Variants in PARL observed in about 807,000 individuals in gnomAD.
PARL encodes the protein presenilin associated rhomboid like.
Under a neutral mutation model 51.6 loss-of-function variants are expected in PARL, and 44 were observed. The ratio of observed to expected loss-of-function variants is 0.85; its 90% CI spans 0.67 to 1.10. The LOEUF (loss-of-function observed/expected upper bound fraction) is 1.10, where lower values mean the gene tolerates loss of function less well. Ranked by LOEUF, PARL falls within the 50% of genes least tolerant of loss-of-function variation. The pLI is 0.00. For missense variants in PARL, 441 were observed against 469.5 expected (o/e 0.94, Z 0.56); for synonymous variants, 172 against 164.0 (o/e 1.05, Z -0.37).
chr3:183,868,710 G>A (rs1488807781), intron 1 of PARL, among the ~76,000 whole-genome samples: 5 of 152,172 alleles, frequency 3.3e-5, no homozygotes, highest in Admixed American at 3.3e-4. Flanking sequence ...TGCCCCACCA[G>A]TTGTCAGTTT....
intron 2 of PARL, 141 bp from the exon 3 acceptor site, chr3:183,866,906 G>A: frequency 1.5e-6 from 1 of 657,358 alleles, no homozygotes; most frequent in Non-Finnish European, 2.6e-6. Context: ...CCTAATAAGT[G>A]AAAAGGGCTT....
At chr3:183,844,874 A>G (rs12634358) in intron 4 of PARL, 7,619 of 153,330 alleles carry the variant, frequency 0.05, 220 homozygotes, top group East Asian at 0.085. Flanking sequence ...AACTGCTTCT[A>G]AAGTCTGTTT....
intron 3 of PARL, 106 bp from the exon 4 acceptor site, chr3:183,862,907 A>G: frequency 1.2e-6 from 1 of 862,416 alleles, no homozygotes; most frequent in Non-Finnish European, 2.0e-6. Context: ...CCTCTTCTGC[A>G]AAAATCACTG....
At chr3:183,866,496 AG>A (rs1372293611) in intron 3 of PARL, 128 bp downstream of exon 3, 2 of 767,868 alleles carry the variant, frequency 2.6e-6, no homozygotes, top group African/African-American at 3.4e-5. Context: ...ATAGATATTC[AG>A]TTCCTCAGAT....
At chr3:183,856,098 T>C (rs1190740350) in intron 4 of PARL, among the ~76,000 whole-genome samples, 1 of 152,128 alleles carries the variant, frequency 6.6e-6, no homozygotes, top group African/African-American at 2.4e-5. Flanking sequence ...CTTTAAATGG[T>C]GAATTTTATA....
intron 1 of PARL, among the ~76,000 whole-genome samples, chr3:183,881,557 T>C (rs2108725318): frequency 6.6e-6 from 1 of 152,356 alleles, no homozygotes; most frequent in East Asian, 1.9e-4. Flanking sequence ...GGAGACAAAA[T>C]GTGTCTAAGC....
At chr3:183,882,250 T>A (rs1192701528) in intron 1 of PARL, among the ~76,000 whole-genome samples, 539 of 35,746 alleles carry the variant, frequency 0.015, 49 homozygotes, top group African/African-American at 0.039. Flanking sequence ...TATATTTATA[T>A]ATATATATAT....
chr3:183,870,595 C>T (rs1733076124), intron 1 of PARL, among the ~76,000 whole-genome samples: 2 of 152,118 alleles, frequency 1.3e-5, no homozygotes, highest in Admixed American at 1.3e-4. Flanking sequence ...TAGCAGATCT[C>T]CTTGCTTCCA....
chr3:183,829,386 C>T lies in PARL; in HGVS notation c.*212G>A. The stretch of plus-strand genomic sequence containing the variant: ...CCCCTTAAAGAGAGAACACACACAT[C>T]TGCTTACAAACTAGATAGAAACCTT... On this transcript the variant is annotated 3_prime_UTR_variant, in exon 10 of 10. Coordinates refer to ENST00000317096, the MANE Select transcript of PARL (RefSeq NM_018622.7). 1 of 1,467,034 alleles carries T rather than the reference C, an allele frequency of 6.8e-7. No individual in the cohort carries two copies. The highest frequency in any genetic ancestry group is 2.5e-5 in the East Asian group (1 of 40,222). 90.9% of individuals were successfully genotyped at this position (1,467,034 alleles called of 1,614,324 possible).
chr3:183,882,271 A>ATATATATATATATATATATATT (rs1560442516), intron 1 of PARL, among the ~76,000 whole-genome samples: 45 of 101,730 alleles, frequency 4.4e-4, no homozygotes, highest in Non-Finnish European at 7.1e-4. Flanking sequence ...ATATATATTT[A>ATATATATATATATATATATATT]TATATATATA....
chr3:183,855,974 A>AAAAAAAAAC (rs1553898858), intron 4 of PARL, among the ~76,000 whole-genome samples: 2 of 151,294 alleles, frequency 1.3e-5, no homozygotes, highest in African/African-American at 4.9e-5. Context: ...AAACAAACAA[A>AAAAAAAAAC]AAAAAAAACA....
chr3:183,851,758 A>C (rs1041346261), intron 4 of PARL, among the ~76,000 whole-genome samples: 1 of 152,230 alleles, frequency 6.6e-6, no homozygotes, highest in African/African-American at 2.4e-5. Flanking sequence ...TCCAGAGAAG[A>C]AACACAAATA....
At chr3:183,879,995 T>C (rs1242715061) in intron 1 of PARL, among the ~76,000 whole-genome samples, 1 of 151,510 alleles carries the variant, frequency 6.6e-6, no homozygotes, top group African/African-American at 2.4e-5. Context: ...CCTCCCAAAG[T>C]GCTCCCAAAG....
chr3:183,860,960 T>C (rs891142026), intron 4 of PARL, among the ~76,000 whole-genome samples: 17 of 151,988 alleles, frequency 1.1e-4, no homozygotes, highest in African/African-American at 3.9e-4. Flanking sequence ...TTAACAGGCG[T>C]GCACCACCAC....
At chr3:183,835,247 T>C (rs1363331042) in intron 7 of PARL, among the ~76,000 whole-genome samples, 1 of 152,018 alleles carries the variant, frequency 6.6e-6, no homozygotes, top group African/African-American at 2.4e-5. Context: ...CCTTTTCATA[T>C]AAAAACGGTT....
intron 3 of PARL, among the ~76,000 whole-genome samples, chr3:183,864,917 TTTTTC>T (rs1732282307): frequency 2.6e-5 from 3 of 115,260 alleles, no homozygotes; most frequent in South Asian, 2.8e-4. Flanking sequence ...TTTTTTTTTT[TTTTTC>T]CGTATTTCAT....
At chr3:183,837,250 TTCAA>T (rs1728722243) in intron 7 of PARL, among the ~76,000 whole-genome samples, 1 of 152,150 alleles carries the variant, frequency 6.6e-6, no homozygotes, top group South Asian at 2.1e-4. Flanking sequence ...AAGCCTGAGA[TTCAA>T]TCAATGTTGT....
intron 7 of PARL, among the ~76,000 whole-genome samples, chr3:183,838,306 C>T (rs977216758): frequency 2.0e-5 from 3 of 152,300 alleles, no homozygotes; most frequent in Admixed American, 6.5e-5. Context: ...GGCCTACAGG[C>T]GTGAGCCACT....
intron 1 of PARL, among the ~76,000 whole-genome samples, chr3:183,873,840 C>T (rs534667622): frequency 2.4e-4 from 37 of 152,178 alleles, no homozygotes; most frequent in African/African-American, 8.2e-4. Flanking sequence ...ATATATACCT[C>T]GAGGATCTCA....
Sources: allele counts gnomAD v4.1 joint callset (sites outside exome capture counted in the v4.1 genomes callset), GRCh38; gene constraint gnomAD v4.1.1; transcripts MANE v1.5; gene names NCBI Gene and HGNC (gene_info 2026-07-23, HGNC 2026-07-21).